The following GRB10 variants were observed in gnomAD, a reference collection of about 807,000 sequenced individuals.
GRB10 encodes the protein growth factor receptor bound protein 10, also known as growth factor receptor-bound protein 10.
GRB10 carries 20 observed loss-of-function variants against 80.9 expected under a neutral mutation model. The observed-to-expected ratio is 0.25, with a 90% CI of 0.17 to 0.36. The LOEUF (loss-of-function observed/expected upper bound fraction) is 0.36. Among genes scored for constraint, GRB10 ranks in the 10% least tolerant of loss-of-function variants. The pLI is 1.00. For missense variants in GRB10, 548 were observed against 747.7 expected, an observed-to-expected ratio of 0.73 and a Z score of 3.12; for synonymous variants, 291 against 291.5, an observed-to-expected ratio of 1.00 and a Z score of 0.02.
At chr7:50,600,678 T>G (rs1266039717) in intron 17 of GRB10, among the ~76,000 whole-genome samples, 1 of 152,164 alleles carries the variant, frequency 6.6e-6, no homozygotes, top group Non-Finnish European at 1.5e-5. Context: ...CAAAAGTGTC[T>G]GCAACTTAAC....
chr7:50,707,367 T>C (rs2065180944), intron 4 of GRB10, among the ~76,000 whole-genome samples: 1 of 152,202 alleles, frequency 6.6e-6, no homozygotes, highest in Admixed American at 6.5e-5. Flanking sequence ...TCACGTGTTA[T>C]AATCTTACAC....
chr7:50,689,126 C>T (rs971948905), intron 5 of GRB10, among the ~76,000 whole-genome samples: 20 of 152,128 alleles, frequency 1.3e-4, no homozygotes, highest in Non-Finnish European at 2.4e-4. Context: ...GGGAGTGCCC[C>T]GTCCGCTCCA....
rs145672288 is a variant in GRB10, at chr7:50,736,350, A to G, written c.-46-3982T>C. Reference sequence around the variant, plus strand: ...ACTTACTACCAGGCTACAGTAATCAAAACAGTCTGGTACTAACATAAGGAC... The same window carrying G: ...ACTTACTACCAGGCTACAGTAATCAGAACAGTCTGGTACTAACATAAGGAC... On this transcript the variant is annotated intron_variant, in intron 3 of 18. Coordinates refer to ENST00000401949, the MANE Select transcript of GRB10 (RefSeq NM_001350814.2). Among the ~76,000 whole-genome samples, 36 of 152,362 alleles carry G rather than the reference A, an allele frequency of 2.4e-4. No homozygotes were observed. The East Asian group carries it at 6.4e-3, about 27-fold the overall frequency.
chr7:50,740,710 T>C (rs919779715), intron 3 of GRB10, among the ~76,000 whole-genome samples: 2 of 150,194 alleles, frequency 1.3e-5, no homozygotes, highest in African/African-American at 2.4e-5. Context: ...AAAGGGAAAA[T>C]AGATGAAGAC....
At chr7:50,623,575 A>C (rs918786096) in intron 8 of GRB10, among the ~76,000 whole-genome samples, 1 of 152,208 alleles carries the variant, frequency 6.6e-6, no homozygotes, top group Non-Finnish European at 1.5e-5. Flanking sequence ...GAGGGTGACC[A>C]GCATCTCAGA....
intron 7 of GRB10, among the ~76,000 whole-genome samples, chr7:50,653,862 C>A (rs1009180740): frequency 6.6e-6 from 1 of 152,192 alleles, no homozygotes; most frequent in Admixed American, 6.5e-5. Flanking sequence ...CTGGAAGGGG[C>A]TCACAATGAT....
At chr7:50,757,208 G>A (rs1398602128) in intron 2 of GRB10, among the ~76,000 whole-genome samples, 1 of 152,232 alleles carries the variant, frequency 6.6e-6, no homozygotes, top group Non-Finnish European at 1.5e-5. Flanking sequence ...AGCGGCTGAT[G>A]TCTGGGCAAA....
chr7:50,715,715 C>G (rs1028599635), intron 4 of GRB10, among the ~76,000 whole-genome samples: 6 of 152,216 alleles, frequency 3.9e-5, no homozygotes, highest in Non-Finnish European at 1.5e-5. Context: ...TGTTCCAAAG[C>G]AAATCTACTC....
At chr7:50,710,572 C>T (rs1210142671) in intron 4 of GRB10, among the ~76,000 whole-genome samples, 4 of 152,092 alleles carry the variant, frequency 2.6e-5, no homozygotes, top group South Asian at 4.2e-4. Flanking sequence ...CTGCAACACA[C>T]GGATGGAGGG....
chr7:50,652,833 G>A (rs1019240997), intron 7 of GRB10, among the ~76,000 whole-genome samples: 2 of 152,102 alleles, frequency 1.3e-5, no homozygotes, highest in Admixed American at 1.3e-4. Flanking sequence ...TGCACACCAG[G>A]TTTAGTTTGA....
At chr7:50,660,033 T>C (rs1460773306) in intron 7 of GRB10, among the ~76,000 whole-genome samples, 1 of 152,206 alleles carries the variant, frequency 6.6e-6, no homozygotes, top group East Asian at 1.9e-4. Context: ...TTATCCTCCC[T>C]GGGCCTCAGG....
chr7:50,759,188 G>A (rs1211627627), intron 2 of GRB10, among the ~76,000 whole-genome samples: 2 of 106,316 alleles, frequency 1.9e-5, no homozygotes, highest in Non-Finnish European at 4.1e-5. Flanking sequence ...GTGAGACTCT[G>A]CCTCAAAAAA....
chr7:50,669,070 G>A (rs1460427327), intron 7 of GRB10, among the ~76,000 whole-genome samples: 1 of 152,338 alleles, frequency 6.6e-6, no homozygotes, highest in East Asian at 1.9e-4. Flanking sequence ...GTGCCCGGGT[G>A]AGCCCAGCAT....
intron 7 of GRB10, among the ~76,000 whole-genome samples, chr7:50,646,707 T>C (rs532083648): frequency 1.3e-5 from 2 of 152,030 alleles, no homozygotes; most frequent in African/African-American, 2.4e-5. Flanking sequence ...GGGGGTAGAG[T>C]GGGAAAAAGT....
At chr7:50,648,424 A>G (rs762928069) in intron 7 of GRB10, among the ~76,000 whole-genome samples, 52 of 152,246 alleles carry the variant, frequency 3.4e-4, no homozygotes, top group Non-Finnish European at 6.6e-4. Flanking sequence ...AGGTTTAAAA[A>G]GGAGCATTAG....
chr7:50,703,539 T>C (rs1451771830), intron 5 of GRB10, among the ~76,000 whole-genome samples: 1 of 151,660 alleles, frequency 6.6e-6, no homozygotes, highest in Admixed American at 6.5e-5. Context: ...TACCCTTCAA[T>C]AGGTGACATC....
At position 50,605,780 on chromosome 7, in the gene GRB10, C is replaced by T. The variant is rs550720282; in HGVS notation, c.1273-374G>A. On this transcript the variant is annotated intron_variant, in intron 14 of 18. Coordinates refer to ENST00000401949, the MANE Select transcript of GRB10 (RefSeq NM_001350814.2). ...CCCCAGTGAGTCATTCCCTCGGGGA[C>T]GTGGGTTCAGGAAAACTCGTGGACC... Among the ~76,000 whole-genome samples, 4 of 152,214 alleles carry T rather than the reference C, an allele frequency of 2.6e-5. 1 individual carries two copies. The highest frequency in any genetic ancestry group is 4.8e-5 in the African/African-American group (2 of 41,516).
intron 4 of GRB10, among the ~76,000 whole-genome samples, chr7:50,720,444 AC>A (rs2067533889): frequency 6.6e-6 from 1 of 152,054 alleles, no homozygotes; most frequent in Non-Finnish European, 1.5e-5. Context: ...CTTTGTCGAG[AC>A]TCATAACCGG....
At chr7:50,779,970 C>T (rs1367586727) in intron 2 of GRB10, among the ~76,000 whole-genome samples, 2 of 152,092 alleles carry the variant, frequency 1.3e-5, no homozygotes, top group East Asian at 1.9e-4. Flanking sequence ...ACCCCCTGAC[C>T]GAGGAGGCAG....
Sources: allele counts gnomAD v4.1 joint callset (sites outside exome capture counted in the v4.1 genomes callset), GRCh38; gene constraint gnomAD v4.1.1; transcripts MANE v1.5; gene names NCBI Gene and HGNC (gene_info 2026-07-23, HGNC 2026-07-21).